The following HPSE2 variants were observed in gnomAD, a reference collection of about 807,000 sequenced individuals.
The protein encoded by HPSE2 is heparanase 2 (inactive), also known as inactive heparanase-2.
Under a neutral mutation model 60.5 loss-of-function variants are expected in HPSE2, and 38 were observed. The observed-to-expected ratio is 0.63, with a 90% CI of 0.48 to 0.82. The LOEUF (loss-of-function observed/expected upper bound fraction) is 0.82, where lower values mean the gene tolerates loss of function less well. HPSE2 is among the 40% of genes least tolerant of loss of function. The pLI is 0.00. For missense variants in HPSE2, 713 were observed against 740.4 expected (o/e 0.96, Z 0.43); for synonymous variants, 295 against 293.2 (o/e 1.01, Z -0.06).
At chr10:99,239,603 G>A (rs962131448), upstream of HPSE2, among the ~76,000 whole-genome samples, 4 of 151,348 alleles carry the variant, frequency 2.6e-5, no homozygotes, top group African/African-American at 4.9e-5. Context: ...CTAATTTTTT[G>A]TATTTTAGTA....
chr10:99,072,865 G>A (rs1180461270), intron 3 of HPSE2, among the ~76,000 whole-genome samples: 3 of 146,390 alleles, frequency 2.0e-5, no homozygotes, highest in Non-Finnish European at 4.5e-5. Context: ...GGAGGTGGAG[G>A]TTGCAGTGAG....
chr10:98,678,366 A>C (rs1947700655), intron 6 of HPSE2, among the ~76,000 whole-genome samples: 1 of 152,196 alleles, frequency 6.6e-6, no homozygotes, highest in Non-Finnish European at 1.5e-5. Flanking sequence ...CTTCTATGGT[A>C]CTGGTGCTCA....
At chr10:98,989,654 A>G (rs1392426771) in intron 3 of HPSE2, among the ~76,000 whole-genome samples, 1 of 147,130 alleles carries the variant, frequency 6.8e-6, no homozygotes, top group Non-Finnish European at 1.5e-5. Context: ...AATAAAAAAA[A>G]AAAAGAAAAA....
chr10:98,997,550 A>G (rs1956677174), intron 3 of HPSE2, among the ~76,000 whole-genome samples: 2 of 152,208 alleles, frequency 1.3e-5, no homozygotes, highest in South Asian at 4.1e-4. Flanking sequence ...AACTTATCGT[A>G]AACAGGAGAC....
At chr10:98,896,251 G>A (rs1394108572) in intron 3 of HPSE2, among the ~76,000 whole-genome samples, 1 of 152,078 alleles carries the variant, frequency 6.6e-6, no homozygotes, top group Non-Finnish European at 1.5e-5. Flanking sequence ...AACCCAGGAG[G>A]AAAATGCTTG....
At chr10:98,800,828 C>T (rs1950888491) in intron 3 of HPSE2, among the ~76,000 whole-genome samples, 3 of 152,300 alleles carry the variant, frequency 2.0e-5, no homozygotes, top group Middle Eastern at 3.4e-3. Flanking sequence ...CCTACTCAAA[C>T]TATTCTGAAA....
At chr10:99,120,915 T>C (rs1844927843) in intron 3 of HPSE2, among the ~76,000 whole-genome samples, 1 of 152,162 alleles carries the variant, frequency 6.6e-6, no homozygotes, top group African/African-American at 2.4e-5. Context: ...CTCAAAGAGC[T>C]AAAAACAGAA....
chr10:98,668,922 A>G (rs958757185), intron 6 of HPSE2, among the ~76,000 whole-genome samples: 8 of 152,226 alleles, frequency 5.3e-5, no homozygotes, highest in African/African-American at 1.9e-4. Context: ...TAAACGAAAG[A>G]GCTTCTGCAC....
chr10:98,781,787 T>C (rs1950476143), intron 3 of HPSE2, among the ~76,000 whole-genome samples: 1 of 151,922 alleles, frequency 6.6e-6, no homozygotes, highest in South Asian at 2.1e-4. Flanking sequence ...TGGCAATGTA[T>C]ATCCAAATCT....
At chr10:98,964,087 C>T (rs1955753180) in intron 3 of HPSE2, among the ~76,000 whole-genome samples, 2 of 152,098 alleles carry the variant, frequency 1.3e-5, no homozygotes, top group African/African-American at 4.8e-5. Context: ...GTTCATAGTT[C>T]AATAAATAAA....
At chr10:98,942,982 C>T (rs1411878575) in intron 3 of HPSE2, among the ~76,000 whole-genome samples, 1 of 148,414 alleles carries the variant, frequency 6.7e-6, no homozygotes, top group Non-Finnish European at 1.5e-5. Flanking sequence ...ATCGCAAGGA[C>T]AAAAAACCAA....
At chr10:98,846,778 C>T (rs1589937219) in intron 3 of HPSE2, among the ~76,000 whole-genome samples, 2 of 152,186 alleles carry the variant, frequency 1.3e-5, no homozygotes, top group Admixed American at 6.5e-5. Context: ...TAATATGTTG[C>T]CCAAGTTAGT....
intron 3 of HPSE2, among the ~76,000 whole-genome samples, chr10:98,999,270 G>A (rs1380591705): frequency 6.6e-6 from 1 of 151,556 alleles, no homozygotes; most frequent in Non-Finnish European, 1.5e-5. Context: ...ATATATGGAG[G>A]AAATATGAGT....
chr10:99,185,094 G>C (rs1370746355), intron 2 of HPSE2, among the ~76,000 whole-genome samples: 2 of 151,782 alleles, frequency 1.3e-5, no homozygotes, highest in East Asian at 3.9e-4. Flanking sequence ...AAGGTCAGGA[G>C]TTCAAGACCA....
chr10:98,946,098 T>A (rs1053936846), intron 3 of HPSE2, among the ~76,000 whole-genome samples: 15 of 152,128 alleles, frequency 9.9e-5, no homozygotes, highest in African/African-American at 2.7e-4. Context: ...ATAAAATATG[T>A]ATAACTATAG....
At chr10:98,460,708 C>T (rs1467993098) in intron 11 of HPSE2, among the ~76,000 whole-genome samples, 2 of 152,240 alleles carry the variant, frequency 1.3e-5, no homozygotes, top group Non-Finnish European at 2.9e-5. Flanking sequence ...TTTGTGATCA[C>T]AATTCATCTA....
chr10:98,481,125 TCCAGAGGACCCTAA>T (rs1233362896), intron 11 of HPSE2, among the ~76,000 whole-genome samples: 4 of 152,148 alleles, frequency 2.6e-5, no homozygotes, highest in African/African-American at 9.7e-5. Flanking sequence ...GCTCTTCGGT[TCCAGAGGACCCTAA>T]CCAGAGGACC....
At chr10:98,532,186 A>T (rs1943151240) in intron 9 of HPSE2, among the ~76,000 whole-genome samples, 1 of 152,166 alleles carries the variant, frequency 6.6e-6, no homozygotes, top group Non-Finnish European at 1.5e-5. Flanking sequence ...GAGCTTGGAG[A>T]AGAAAACTCT....
At chr10:98,909,424 T>C (rs1464709505) in intron 3 of HPSE2, among the ~76,000 whole-genome samples, 1 of 143,324 alleles carries the variant, frequency 7.0e-6, no homozygotes, top group East Asian at 2.0e-4. Flanking sequence ...AGGTCAGGAG[T>C]TCAAGACTAG....
Sources: allele counts gnomAD v4.1 joint callset (sites outside exome capture counted in the v4.1 genomes callset), GRCh38; gene constraint gnomAD v4.1.1; transcripts MANE v1.5; gene names NCBI Gene and HGNC (gene_info 2026-07-23, HGNC 2026-07-21).